SLC39A11: variants seen among roughly 807,000 people sequenced by gnomAD.
SLC39A11 encodes the protein solute carrier family 39 member 11.
A neutral mutation model predicts 36.1 loss-of-function variants in SLC39A11; 33 were observed. The ratio of observed to expected loss-of-function variants is 0.91; its 90% CI spans 0.69 to 1.22. The LOEUF (loss-of-function observed/expected upper bound fraction) is 1.22, where lower values mean the gene tolerates loss of function less well. SLC39A11 is among the 50% of genes most tolerant of loss of function. The pLI, the probability that SLC39A11 is intolerant of heterozygous loss-of-function variation, is 0.00. For missense variants in SLC39A11, 432 were observed against 430.3 expected (o/e 1.00, Z -0.03); for synonymous variants, 166 against 170.3 (o/e 0.97, Z 0.20).
chr17:72,773,400 G>T (rs1042703335), intron 6 of SLC39A11, among the ~76,000 whole-genome samples: 1 of 152,142 alleles, frequency 6.6e-6, no homozygotes, highest in Admixed American at 6.5e-5. Context: ...CAGTTCTCAT[G>T]GTAGTGAATA....
At chr17:73,087,372 T>C (rs1421709049) in intron 2 of SLC39A11, among the ~76,000 whole-genome samples, 2 of 152,196 alleles carry the variant, frequency 1.3e-5, no homozygotes, top group Non-Finnish European at 2.9e-5. Context: ...ACTTGTGAAC[T>C]TCCTAAAGGT....
At chr17:72,910,336 A>C (rs2082912449) in intron 5 of SLC39A11, among the ~76,000 whole-genome samples, 1 of 152,176 alleles carries the variant, frequency 6.6e-6, no homozygotes, top group South Asian at 2.1e-4. Context: ...TTAAAAAAGT[A>C]AAAGAAACCG....
At chr17:72,716,992 T>TACACACACACACAC (rs367641582) in intron 7 of SLC39A11, among the ~76,000 whole-genome samples, 1 of 126,464 alleles carries the variant, frequency 7.9e-6, no homozygotes, top group African/African-American at 3.2e-5. Context: ...TATATATATA[T>TACACACACACACAC]ACACACACAC....
intron 4 of SLC39A11, among the ~76,000 whole-genome samples, chr17:73,004,232 A>AAAGAAAGAAAGAAAGAAAAGAAAG: frequency 1.1e-5 from 1 of 88,644 alleles, no homozygotes; most frequent in African/African-American, 4.2e-5. Flanking sequence ...AGAAAGAAAG[A>AAAGAAAGAAAGAAAGAAAAGAAAG]AAAGAAAGAA....
At chr17:72,990,692 T>A (rs1386134196) in intron 4 of SLC39A11, among the ~76,000 whole-genome samples, 1 of 152,186 alleles carries the variant, frequency 6.6e-6, no homozygotes, top group Admixed American at 6.5e-5. Context: ...CCTCCCAAAG[T>A]GCTGGGATTA....
chr17:72,854,509 T>G (rs942106842), intron 5 of SLC39A11, among the ~76,000 whole-genome samples: 15 of 152,100 alleles, frequency 9.9e-5, no homozygotes, highest in African/African-American at 3.6e-4. Context: ...TTCATGATAG[T>G]AGTATGTGTT....
intron 1 of SLC39A11, 112 bp downstream of exon 1, chr17:73,092,499 T>C (rs2060960039): frequency 9.9e-6 from 1 of 100,654 alleles, no homozygotes; most frequent in African/African-American, 3.9e-5. Flanking sequence ...GCGTACCCCC[T>C]TCCAAGCTCC....
intron 7 of SLC39A11, among the ~76,000 whole-genome samples, chr17:72,651,648 T>TG (rs1567905778): frequency 6.6e-6 from 1 of 152,056 alleles, no homozygotes; most frequent in African/African-American, 2.4e-5. Context: ...CTAGACTGGC[T>TG]GGGGGTGGGA....
At chr17:73,038,544 CAAA>C (rs35947586) in intron 3 of SLC39A11, among the ~76,000 whole-genome samples, 1 of 123,890 alleles carries the variant, frequency 8.1e-6, no homozygotes, top group Admixed American at 8.2e-5. Context: ...ACTAAAAATA[CAAA>C]AAAAAAAAAA....
At chr17:72,758,252 A>G (rs953244481) in intron 6 of SLC39A11, among the ~76,000 whole-genome samples, 15 of 152,176 alleles carry the variant, frequency 9.9e-5, no homozygotes, top group African/African-American at 2.9e-4. Flanking sequence ...GTCAAAGATA[A>G]TGATTATAAG....
intron 3 of SLC39A11, among the ~76,000 whole-genome samples, chr17:73,049,405 C>G (rs1207377445): frequency 6.6e-6 from 1 of 152,150 alleles, no homozygotes; most frequent in Non-Finnish European, 1.5e-5. Flanking sequence ...GGCGGACGCG[C>G]CTTCCAGGAG....
chr17:72,694,550 G>A (rs181593530), intron 7 of SLC39A11, among the ~76,000 whole-genome samples: 10 of 152,356 alleles, frequency 6.6e-5, no homozygotes, highest in East Asian at 3.9e-4. Flanking sequence ...CAACCACTGC[G>A]GGACTTGTTT....
intron 5 of SLC39A11, among the ~76,000 whole-genome samples, chr17:72,892,750 A>G: frequency 6.6e-6 from 1 of 152,210 alleles, no homozygotes; most frequent in East Asian, 1.9e-4. Flanking sequence ...AGTAAACTGG[A>G]TAATAGACAA....
chr17:72,701,280 A>G (rs1169015203), intron 7 of SLC39A11, among the ~76,000 whole-genome samples: 1 of 152,154 alleles, frequency 6.6e-6, no homozygotes, highest in African/African-American at 2.4e-5. Context: ...AGAAGTGGGG[A>G]TCTATGGAGG....
chr17:73,001,334 A>T (rs1030465982), intron 4 of SLC39A11, among the ~76,000 whole-genome samples: 3 of 146,202 alleles, frequency 2.1e-5, no homozygotes, highest in Admixed American at 1.4e-4. Context: ...CTAGAACCTG[A>T]CTGATAGATA....
intron 7 of SLC39A11, among the ~76,000 whole-genome samples, chr17:72,722,891 C>T (rs2073758753): frequency 6.6e-6 from 1 of 152,202 alleles, no homozygotes; most frequent in African/African-American, 2.4e-5. Context: ...CAGCCTCGAC[C>T]TCCCAAAGTG....
intron 5 of SLC39A11, among the ~76,000 whole-genome samples, chr17:72,938,014 G>T (rs146324465): frequency 2.0e-5 from 3 of 152,334 alleles, no homozygotes; most frequent in African/African-American, 7.2e-5. Context: ...GCTGGGAGTT[G>T]CTGGCAAATC....
chr17:73,001,944 G>T (rs1463982405), intron 4 of SLC39A11, among the ~76,000 whole-genome samples: 1 of 152,152 alleles, frequency 6.6e-6, no homozygotes, highest in Non-Finnish European at 1.5e-5. Flanking sequence ...AGACTATCAG[G>T]CTTAGGAAAG....
At chr17:72,840,863 G>C (rs2078774447) in intron 6 of SLC39A11, among the ~76,000 whole-genome samples, 1 of 151,736 alleles carries the variant, frequency 6.6e-6, no homozygotes, top group South Asian at 2.1e-4. Flanking sequence ...GGACCATCCT[G>C]GCTAACACGG....
Sources: gnomAD v4.1 joint callset for allele counts (sites outside exome capture counted in the v4.1 genomes callset) on GRCh38, gnomAD v4.1.1 for gene constraint, MANE v1.5 for transcripts, NCBI Gene and HGNC (gene_info 2026-07-23, HGNC 2026-07-21) for gene names.